Variants in EIF2B5 observed in about 807,000 individuals in gnomAD.
EIF2B5 encodes eukaryotic translation initiation factor 2B subunit epsilon.
A neutral mutation model predicts 87.3 loss-of-function variants in EIF2B5; 38 were observed. The observed-to-expected ratio is 0.44, with a 90% CI of 0.34 to 0.57. EIF2B5 has a LOEUF of 0.57. EIF2B5 is among the 20% of genes least tolerant of loss of function. EIF2B5 has a pLI of 0.02. For missense variants in EIF2B5, 784 were observed against 909.5 expected, an observed-to-expected ratio of 0.86 and a Z score of 1.78; for synonymous variants, 313 against 339.6, an observed-to-expected ratio of 0.92 and a Z score of 0.86.
chr3:184,144,869 T>C lies in EIF2B5; in HGVS notation c.2107-15T>C, dbSNP rs747475323. 1.3e-4 allele frequency: 208 copies of C among 1,613,260 alleles called. No homozygotes were observed. The highest frequency in any genetic ancestry group is 1.7e-4 in the Non-Finnish European group (206 of 1,179,878). ...TGCACCTCCCCCAGCCGATCTCTCCTCTGCTTCTTTACAGCTGCAGAGGTT... is the reference window on the plus strand; with the variant it reads ...TGCACCTCCCCCAGCCGATCTCTCCCCTGCTTCTTTACAGCTGCAGAGGTT... On this transcript the variant is annotated splice_polypyrimidine_tract_variant and intron_variant, in intron 15 of 15. Transcript: ENST00000648915.
chr3:184,135,811 GA>G lies in EIF2B5; in HGVS notation c.195+232del, dbSNP rs1713324980. Reference sequence around the variant, plus strand: ...CCACCTCGGGTTTGAAAGGAATGAAGAGAGCTAAATGTAGAAACAGCGCTTG... The same window carrying G: ...CCACCTCGGGTTTGAAAGGAATGAAGGAGCTAAATGTAGAAACAGCGCTTG... On this transcript the variant is annotated intron_variant, in intron 1 of 15. Coordinates refer to ENST00000648915, the MANE Select transcript of EIF2B5 (RefSeq NM_003907.3). The G allele has an allele frequency of 3.1e-5, 19 of 616,650 alleles. No individual in the cohort carries two copies. In the East Asian group the frequency reaches 5.0e-4, roughly 16 times the overall value. The allele number at this position is 616,650 out of a possible 1,614,324, so 38.2% of individuals were successfully genotyped here.
chr3:184,135,886 G>C (rs1369635801), intron 1 of EIF2B5: 1 of 459,528 alleles, frequency 2.2e-6, no homozygotes. Context: ...AGGCTGCGCC[G>C]CTTTTAACCT....
chr3:184,136,657 G>A lies in EIF2B5; in HGVS notation c.241G>A (p.Glu81Lys), dbSNP rs113994047. 57 of 1,614,026 alleles carry A rather than the reference G, an allele frequency of 3.5e-5. No homozygotes were observed. The highest frequency in any genetic ancestry group is 4.7e-5 in the Non-Finnish European group (55 of 1,180,038). The change falls in exon 2 of 16, where the codon GAA becomes AAA. Residue 81 changes from glutamate (E) to lysine (K), a missense_variant. Physicochemically the swap from Glu to Lys is moderately conservative, Grantham distance 56. Transcript: ENST00000648915. ...ANVALIDYTL[E>K]FLTATGVQET... ...TGTGGCATTAATTGACTACACTCTGGAATTCCTGACTGCCACAGGTGTACA... is the reference window on the plus strand; with the variant it reads ...TGTGGCATTAATTGACTACACTCTGAAATTCCTGACTGCCACAGGTGTACA...
intron 14 of EIF2B5, 104 bp from the exon 15 acceptor site, chr3:184,144,493 T>G: frequency 8.8e-7 from 1 of 1,136,616 alleles, no homozygotes; most frequent in Non-Finnish European, 1.3e-6. Context: ...CTCTTGTCCG[T>G]TTTGGAGGAG....
At chr3:184,143,852 A>G (rs1713747775) in intron 13 of EIF2B5, 1 of 685,918 alleles carries the variant, frequency 1.5e-6, no homozygotes, top group Non-Finnish European at 2.5e-6. Context: ...ACCCAACACA[A>G]GATCAGCCTC....
chr3:184,144,941 TG>T lies in EIF2B5; in HGVS notation c.2165del (p.Ter722=). On this transcript the variant is annotated frameshift_variant and stop_lost, in exon 16 of 16. Coordinates refer to ENST00000648915, the MANE Select transcript of EIF2B5 (RefSeq NM_003907.3). LOFTEE classifies it high-confidence loss of function. ...AGAAGAGGAGTCATCTGAAGATGACTGAAGTCACACTGCCTGCTCCTTTGGG... is the reference window on the plus strand; with the variant it reads ...AGAAGAGGAGTCATCTGAAGATGACTAAGTCACACTGCCTGCTCCTTTGGG... ...EAEEESSEDD[*>X] 6.2e-7 allele frequency: 1 copy of T among 1,613,524 alleles called. No individual in the cohort carries two copies. The highest frequency in any genetic ancestry group is 8.5e-7 in the Non-Finnish European group (1 of 1,179,970).
chr3:184,144,517 T>C (rs1713778052), intron 14 of EIF2B5, 80 bp from the exon 15 acceptor site: 4 of 1,298,282 alleles, frequency 3.1e-6, no homozygotes, highest in Admixed American at 3.5e-5. Flanking sequence ...ACTCAGTGCA[T>C]AGAGGGATCT....
In EIF2B5 at chr3:184,142,083, C is replaced by T. The variant is rs769681759; in HGVS notation, c.1302+13C>T. ...CCTCACTTCCCAGGTGAGACCTGATCTATACTGTGCACAGGCCCTGAATTG... is the reference window on the plus strand; with the variant it reads ...CCTCACTTCCCAGGTGAGACCTGATTTATACTGTGCACAGGCCCTGAATTG... On this transcript the variant is annotated intron_variant, in intron 8 of 15. Transcript: ENST00000648915. This position sits in a 1 kb window ranked among gnomAD's most constrained non-coding sequence, Gnocchi z 5.0. 5.6e-6 allele frequency: 9 copies of T among 1,614,146 alleles called. No individual in the cohort carries two copies. In the South Asian group the frequency reaches 9.9e-5, roughly 18 times the overall value.
chr3:184,144,846 C>T lies in EIF2B5; in HGVS notation c.2107-38C>T, dbSNP rs375807315. 1.3e-4 allele frequency: 213 copies of T among 1,608,858 alleles called. No homozygotes were observed. The Middle Eastern group carries it at 3.3e-3, about 25-fold the overall frequency. On this transcript the variant is annotated intron_variant, in intron 15 of 15. Transcript: ENST00000648915. ...CCGAGGGGAGCAGGAGAGTTATGTG[C>T]ACCTCCCCCAGCCGATCTCTCCTCT...
rs149264256 is a variant in EIF2B5 at position 184,144,185 on chromosome 3, C to T, written c.1956C>T (p.Phe652=). 9.1e-4 allele frequency: 1,466 copies of T among 1,614,240 alleles called. 2 individuals are homozygous for T. The highest frequency in any genetic ancestry group is 1.2e-3 in the Non-Finnish European group (1,385 of 1,180,054). Residue 652 remains phenylalanine, a synonymous_variant, in exon 14 of 16, where the codon TTC becomes TTT. Transcript: ENST00000648915. Reference sequence around the variant, plus strand: ...AAGCGTTAGCAGCCATTGAGGACTTCTTCCTAGAGCATGAAGCTCTTGGTA... The same window carrying T: ...AAGCGTTAGCAGCCATTGAGGACTTTTTCCTAGAGCATGAAGCTCTTGGTA... ...HLEALAAIED[F]FLEHEALGIS...
In EIF2B5 at chr3:184,142,228, T is replaced by C. The variant is rs549670235; in HGVS notation, c.1303-9T>C. On this transcript the variant is annotated splice_polypyrimidine_tract_variant and intron_variant, in intron 8 of 15. Transcript: ENST00000648915. The surrounding 1 kb of genome is among the most constrained non-coding windows in gnomAD (Gnocchi z 5.0). The stretch of plus-strand genomic sequence containing the variant: ...CACCCTAATGGTTCTGTGTTTTTTT[T>C]CCCCTTAGGTGGTCGTGGGCCCAAA... 9 of 1,614,082 alleles carry C rather than the reference T, an allele frequency of 5.6e-6. No homozygotes were observed. The highest frequency in any genetic ancestry group is 4.5e-5 in the East Asian group (2 of 44,882).
chr3:184,142,094 A>G lies in EIF2B5; in HGVS notation c.1302+24A>G. 4 of 1,614,136 alleles carry G rather than the reference A, an allele frequency of 2.5e-6. No homozygotes were observed. The highest frequency in any genetic ancestry group is 3.4e-6 in the Non-Finnish European group (4 of 1,180,036). On this transcript the variant is annotated intron_variant, in intron 8 of 15. Transcript: ENST00000648915. This position sits in a 1 kb window ranked among gnomAD's most constrained non-coding sequence, Gnocchi z 5.0. ...AGGTGAGACCTGATCTATACTGTGC[A>G]CAGGCCCTGAATTGCATGGCAGTCA...
intron 1 of EIF2B5, among the ~76,000 whole-genome samples, chr3:184,136,108 G>C (rs887745435): frequency 6.6e-6 from 1 of 152,090 alleles, no homozygotes; most frequent in Non-Finnish European, 1.5e-5. Flanking sequence ...ATGGGGTATT[G>C]GACTCAGCTG....
rs1577033816 is a variant in EIF2B5, at chr3:184,141,998, G to T, written c.1230G>T (p.Gln410His). Residue 410 changes from glutamine to histidine, a missense_variant, in exon 8 of 16, where the codon CAG becomes CAT. Around this residue, in one of 3 missense-constraint regions of EIF2B5, gnomAD observed 660 missense variants for 789.5 expected, o/e 0.84. Coordinates refer to ENST00000648915, the MANE Select transcript of EIF2B5 (RefSeq NM_003907.3). The part of the protein sequence containing the change: ...VRVAAGAQIH[Q>H]SLLCDNAEVK... ...TGGCGGCTGGAGCACAGATCCATCA[G>T]TCTCTGCTTTGTGACAATGCTGAGG... The T allele has an allele frequency of 3.1e-6, 5 of 1,614,170 alleles. No individual in the cohort carries two copies. In the East Asian group the frequency reaches 1.1e-4, roughly 36 times the overall value.
At chr3:184,138,903 C>T in intron 5 of EIF2B5, 1 of 296,768 alleles carries the variant, frequency 3.4e-6, no homozygotes, top group Non-Finnish European at 6.7e-6. Flanking sequence ...CTCAAGCAAT[C>T]TGACCACCTC....
At chr3:184,144,804 T>A in intron 15 of EIF2B5, 80 bp from the exon 16 acceptor site, 1 of 1,580,622 alleles carries the variant, frequency 6.3e-7, no homozygotes, top group Middle Eastern at 1.7e-4. Flanking sequence ...GCTCTGGTTG[T>A]TAGAGCTGTT....
At chr3:184,137,503 G>C in intron 2 of EIF2B5, 117 bp from the exon 3 acceptor site, 2 of 992,288 alleles carry the variant, frequency 2.0e-6, no homozygotes, top group Non-Finnish European at 3.2e-6. Context: ...ACGCTGGCAA[G>C]AACCCAAAAA....
intron 15 of EIF2B5, 70 bp downstream of exon 15, chr3:184,144,777 G>A: frequency 2.5e-6 from 4 of 1,584,934 alleles, no homozygotes; most frequent in Non-Finnish European, 3.4e-6. Flanking sequence ...TAGACTCTAG[G>A]GTGGTTGGTT....
chr3:184,140,232 A>G (rs1049005118), intron 6 of EIF2B5, 75 bp downstream of exon 6: 1 of 1,515,118 alleles, frequency 6.6e-7, no homozygotes, highest in African/African-American at 1.4e-5. Context: ...GTAACTTTTG[A>G]TCTTTTTTGT....
Sources: gnomAD v4.1 joint callset for allele counts (sites outside exome capture counted in the v4.1 genomes callset) on GRCh38, gnomAD v4.1.1 for gene constraint, gnomAD v4.1.1 regional missense constraint, Gnocchi (gnomAD v3.1) non-coding constraint, MANE v1.5 for transcripts, NCBI Gene and HGNC (gene_info 2026-07-23, HGNC 2026-07-21) for gene names.